Variants in PPP1R21 observed in about 807,000 individuals in gnomAD.
PPP1R21 encodes the protein protein phosphatase 1 regulatory subunit 21.
A neutral mutation model predicts 112.8 loss-of-function variants in PPP1R21; 85 were observed. That is an observed-to-expected ratio of 0.75 (90% CI 0.63 to 0.90). The LOEUF (loss-of-function observed/expected upper bound fraction) is 0.90, where lower values mean the gene tolerates loss of function less well. PPP1R21 is among the 40% of genes least tolerant of loss of function. The pLI, the probability that PPP1R21 is intolerant of heterozygous loss-of-function variation, is 0.00. For missense variants in PPP1R21, 1,199 were observed against 901.5 expected (o/e 1.33, Z -4.23); for synonymous variants, 381 against 322.3 (o/e 1.18, Z -1.95).
At chr2:48,469,147 A>G (rs992089844) in intron 9 of PPP1R21, among the ~76,000 whole-genome samples, 4 of 151,152 alleles carry the variant, frequency 2.6e-5, no homozygotes, top group African/African-American at 9.7e-5. Flanking sequence ...ACTGGCCCCC[A>G]TGATTCAATT....
At chr2:48,513,543 C>A (rs1462757197) in intron 21 of PPP1R21, among the ~76,000 whole-genome samples, 1 of 151,946 alleles carries the variant, frequency 6.6e-6, no homozygotes. Context: ...CTTAAAATAC[C>A]AGCCATTAAT....
chr2:48,500,998 A>G (rs969905940), intron 17 of PPP1R21, among the ~76,000 whole-genome samples: 61 of 152,268 alleles, frequency 4.0e-4, no homozygotes, highest in African/African-American at 1.4e-3. Flanking sequence ...GTGACCTTGA[A>G]TGGTCGCCAC....
chr2:48,514,147 G>A (rs115208435), intron 21 of PPP1R21, among the ~76,000 whole-genome samples: 5,870 of 127,172 alleles, frequency 0.046, 193 homozygotes, highest in African/African-American at 0.1. Flanking sequence ...TTCTCCCGGC[G>A]CCATCTTGGC....
At chr2:48,453,599 A>G (rs1055484829) in intron 2 of PPP1R21, among the ~76,000 whole-genome samples, 2 of 152,248 alleles carry the variant, frequency 1.3e-5, no homozygotes, top group Non-Finnish European at 2.9e-5. Flanking sequence ...ATTCTTTTAA[A>G]AAAGAGTGAA....
chr2:48,464,968 A>G lies in PPP1R21; in HGVS notation c.726A>G (p.Pro242=). The change falls in exon 8 of 22, where the codon CCA becomes CCG. Residue 242 remains proline (P), a synonymous_variant. Coordinates refer to ENST00000294952, the MANE Select transcript of PPP1R21 (RefSeq NM_001135629.3). ...KYSQYNALNV[P]LHNRRHQLKM... is the part of the protein sequence containing the mutation. The stretch of plus-strand genomic sequence containing the variant: ...GTCAGTACAACGCTCTGAACGTTCC[A>G]CTCCACAATAGGAGACACCAGGTAA... The G allele has an allele frequency of 6.4e-7, 1 of 1,558,550 alleles. No individual in the cohort carries two copies. The highest frequency in any genetic ancestry group is 8.6e-7 in the Non-Finnish European group (1 of 1,162,664).
intron 14 of PPP1R21, among the ~76,000 whole-genome samples, chr2:48,488,263 C>T (rs1669399178): frequency 6.6e-6 from 1 of 152,126 alleles, no homozygotes; most frequent in Non-Finnish European, 1.5e-5. Flanking sequence ...CCTCCTTCAT[C>T]CACGGCATGC....
intron 21 of PPP1R21, among the ~76,000 whole-genome samples, chr2:48,513,023 G>A (rs1365717368): frequency 6.6e-6 from 1 of 152,146 alleles, no homozygotes; most frequent in Non-Finnish European, 1.5e-5. Flanking sequence ...GAGAAAGCCT[G>A]TTTTAGCACC....
intron 9 of PPP1R21, among the ~76,000 whole-genome samples, chr2:48,468,114 T>G (rs1047752599): frequency 5.9e-5 from 9 of 152,222 alleles, no homozygotes; most frequent in African/African-American, 2.2e-4. Flanking sequence ...TTATGTCCTC[T>G]TGGGAAATAT....
chr2:48,450,983 T>G lies in PPP1R21; in HGVS notation c.58-25T>G, dbSNP rs775116667. The G allele has an allele frequency of 5.6e-6, 9 of 1,606,398 alleles. No homozygotes were observed. The highest frequency in any genetic ancestry group is 7.7e-6 in the Non-Finnish European group (9 of 1,173,146). On this transcript the variant is annotated intron_variant, in intron 1 of 21. Coordinates refer to ENST00000294952, the MANE Select transcript of PPP1R21 (RefSeq NM_001135629.3). Reference sequence around the variant, plus strand: ...TAACCAATTGCTTTATATTAGAAATTGATTATTGCTTTCTCTGTTTTCAGC... The same window carrying G: ...TAACCAATTGCTTTATATTAGAAATGGATTATTGCTTTCTCTGTTTTCAGC...
At chr2:48,502,945 G>T (rs1426790501) in intron 17 of PPP1R21, among the ~76,000 whole-genome samples, 1 of 152,044 alleles carries the variant, frequency 6.6e-6, no homozygotes, top group East Asian at 1.9e-4. Context: ...CTCCCAAAGT[G>T]CTGGGATTAC....
chr2:48,471,076 C>G lies in PPP1R21; in HGVS notation c.898-11C>G. ...AGTGATTTAATTCACAATACTTTCC[C>G]TCCTGTTTAGTTCTCACAATACCTT... On this transcript the variant is annotated splice_polypyrimidine_tract_variant and intron_variant, in intron 9 of 21. Transcript: ENST00000294952. 1.3e-6 allele frequency: 2 copies of G among 1,545,608 alleles called. No homozygotes were observed. Among genetic ancestry groups the G allele is most frequent in the East Asian group, 2.3e-5 (1 of 44,252 alleles).
chr2:48,442,839 T>A (rs1278467424), intron 1 of PPP1R21, among the ~76,000 whole-genome samples: 1 of 151,982 alleles, frequency 6.6e-6, no homozygotes, highest in Non-Finnish European at 1.5e-5. Flanking sequence ...TTATGAAAGG[T>A]TGTGGATGTC....
rs763307840 is a variant in PPP1R21, at chr2:48,511,382, A to G, written c.2227A>G (p.Ser743Gly). The G allele has an allele frequency of 6.2e-7, 1 of 1,614,004 alleles. No individual in the cohort carries two copies. The highest frequency in any genetic ancestry group is 8.5e-7 in the Non-Finnish European group (1 of 1,180,004). The change falls in exon 21 of 22, where the codon AGT (serine) becomes GGT (glycine). Residue 743 changes from serine (S) to glycine (G), a missense_variant. By Grantham distance (56) the Ser-to-Gly change is moderately conservative. Coordinates refer to ENST00000294952, the MANE Select transcript of PPP1R21 (RefSeq NM_001135629.3). ...CAAGAGGAGTTACGAGGATCAGTTA[A>G]GTATGATGAGTGACCACCTGTGCAG... The part of the protein sequence containing the change: ...TTKRSYEDQL[S>G]MMSDHLCSMN...
At chr2:48,483,589 C>G (rs1446621509) in intron 13 of PPP1R21, among the ~76,000 whole-genome samples, 15 of 152,204 alleles carry the variant, frequency 9.9e-5, no homozygotes, top group Admixed American at 8.5e-4. Flanking sequence ...CTGACTTGTA[C>G]TGCTTTATAA....
At position 48,471,427 on chromosome 2, in the gene PPP1R21, G is replaced by A. The variant is rs755566879; in HGVS notation, c.1088+60G>A. ...TTGTGGGTGTAACCTGATCTGGCTG[G>A]CGTTAATAAAATATTAACATGTGCC... On this transcript the variant is annotated intron_variant, in intron 11 of 21. Coordinates refer to ENST00000294952, the MANE Select transcript of PPP1R21 (RefSeq NM_001135629.3). 4.0e-5 allele frequency: 59 copies of A among 1,479,520 alleles called. No homozygotes were observed. In the Middle Eastern group the frequency reaches 3.7e-3, roughly 93 times the overall value. The allele number at this position is 1,479,520 out of a possible 1,614,324, so 91.6% of individuals were successfully genotyped here. A position where few individuals can be genotyped will look rare whatever the true frequency, so the allele number is the denominator to read the frequency against.
At chr2:48,465,896 AAGAGGTTTATTAGACTTAC>A (rs576819259) in intron 9 of PPP1R21, among the ~76,000 whole-genome samples, 52 of 152,354 alleles carry the variant, frequency 3.4e-4, no homozygotes, top group African/African-American at 1.2e-3. Context: ...TTACAAAAGA[AAGAGGTTTATTAGACTTAC>A]AGAGGTTTAT....
chr2:48,472,968 AT>A (rs1668589763), intron 11 of PPP1R21, among the ~76,000 whole-genome samples: 1 of 150,260 alleles, frequency 6.7e-6, no homozygotes, highest in South Asian at 2.1e-4. Context: ...TGTATAAGTA[AT>A]TATATCAGCC....
At chr2:48,505,394 C>G (rs78700496) in intron 17 of PPP1R21, among the ~76,000 whole-genome samples, 170 bp from the exon 18 acceptor site, 2,381 of 152,322 alleles carry the variant, frequency 0.016, 55 homozygotes, top group African/African-American at 0.052. Flanking sequence ...ATAGTAAATG[C>G]AGCTACCTAT....
chr2:48,505,918 A>C (rs1207971794), intron 18 of PPP1R21, among the ~76,000 whole-genome samples: 1 of 152,112 alleles, frequency 6.6e-6, no homozygotes, highest in Admixed American at 6.5e-5. Flanking sequence ...GAGCCGTGTT[A>C]GTCCTCGCAG....
Sources: allele counts gnomAD v4.1 joint callset (sites outside exome capture counted in the v4.1 genomes callset), GRCh38; gene constraint gnomAD v4.1.1; transcripts MANE v1.5; gene names NCBI Gene and HGNC (gene_info 2026-07-23, HGNC 2026-07-21).